The following CLASP1 variants were observed in gnomAD, a reference collection of about 807,000 sequenced individuals.
CLASP1 encodes the protein cytoplasmic linker associated protein 1.
CLASP1 carries 38 observed loss-of-function variants against 192.3 expected under a neutral mutation model. That is an observed-to-expected ratio of 0.20 (90% CI 0.15 to 0.26). The LOEUF (loss-of-function observed/expected upper bound fraction) is 0.26, where lower values mean the gene tolerates loss of function less well. Among genes scored for constraint, CLASP1 ranks in the 10% least tolerant of loss-of-function variants. The pLI, the probability that CLASP1 is intolerant of heterozygous loss-of-function variation, is 1.00. For synonymous variants in CLASP1, 691 were observed against 712.8 expected, an observed-to-expected ratio of 0.97 and a Z score of 0.49; for missense variants, 1,433 against 1,932.5, an observed-to-expected ratio of 0.74 and a Z score of 4.85.
At chr2:121,448,900 A>G (rs2084891904) in intron 17 of CLASP1, 53 bp downstream of exon 17, 2 of 1,563,566 alleles carry the variant, frequency 1.3e-6, no homozygotes, top group East Asian at 4.5e-5. Context: ...TCATGTGACA[A>G]ACTTTTAAAT....
intron 2 of CLASP1, among the ~76,000 whole-genome samples, chr2:121,576,421 A>G (rs1481568134): frequency 6.6e-6 from 1 of 152,242 alleles, no homozygotes; most frequent in Non-Finnish European, 1.5e-5. Context: ...TTGTACAAAG[A>G]GGTAGCTTGA....
intron 1 of CLASP1, among the ~76,000 whole-genome samples, chr2:121,634,021 C>T (rs1186213981): frequency 6.6e-6 from 1 of 151,906 alleles, no homozygotes; most frequent in African/African-American, 2.4e-5. Context: ...AAACCAGACC[C>T]CAGAGTACCC....
intron 1 of CLASP1, among the ~76,000 whole-genome samples, chr2:121,630,721 G>A (rs907275233): frequency 2.6e-5 from 4 of 151,792 alleles, no homozygotes; most frequent in Admixed American, 6.6e-5. Context: ...AAAATTAGCC[G>A]GGCATGGTGG....
chr2:121,603,958 T>C (rs2064107490), intron 2 of CLASP1, among the ~76,000 whole-genome samples: 1 of 152,150 alleles, frequency 6.6e-6, no homozygotes, highest in Non-Finnish European at 1.5e-5. Context: ...TGTTAAAGAA[T>C]ACAAAATTAC....
intron 1 of CLASP1, among the ~76,000 whole-genome samples, chr2:121,638,302 TA>T (rs888242326): frequency 4.0e-5 from 6 of 150,544 alleles, no homozygotes; most frequent in Non-Finnish European, 7.4e-5. Context: ...AAATAAAAAT[TA>T]AAAAAAAACA....
rs17006676 is a variant in CLASP1 at position 121,643,990 on chromosome 2, G to C, written c.-286+5382C>G. ...GGTCCCAAAGAGATTCCAGTGACTT[G>C]ATTACTGCAACTACTACTACATGGT... On this transcript the variant is annotated intron_variant, in intron 1 of 39. Coordinates refer to ENST00000263710, the Ensembl canonical transcript of CLASP1. 5.8e-4 allele frequency among the ~76,000 whole-genome samples: 88 copies of C among 152,234 alleles called. 1 individual carries two copies. In the East Asian group the frequency reaches 0.017, roughly 29 times the overall value.
At chr2:121,601,980 G>A (rs1410147479) in intron 2 of CLASP1, among the ~76,000 whole-genome samples, 1 of 152,038 alleles carries the variant, frequency 6.6e-6, no homozygotes, top group Non-Finnish European at 1.5e-5. Context: ...TTCGAAACCA[G>A]CCTGGCCAAT....
chr2:121,398,308 A>C lies in CLASP1; in HGVS notation c.2979+14T>G. ...AGTTCCAGGGTTGAATTGTAATGAC[A>C]AATAATTACTGACCTTGAGGTTTGG... On this transcript the variant is annotated intron_variant, in intron 29 of 39. Coordinates refer to ENST00000263710, the Ensembl canonical transcript of CLASP1. The C allele has an allele frequency of 6.4e-7, 1 of 1,572,972 alleles. No individual in the cohort carries two copies. Among genetic ancestry groups the C allele is most frequent in the Non-Finnish European group, 8.7e-7 (1 of 1,153,400 alleles).
intron 7 of CLASP1, among the ~76,000 whole-genome samples, chr2:121,507,628 G>A (rs1312726908): frequency 6.6e-6 from 1 of 152,054 alleles, no homozygotes; most frequent in East Asian, 1.9e-4. Flanking sequence ...AAGAATAATG[G>A]CTAAAAACTT....
rs558942281 is a variant in CLASP1 at position 121,402,935 on chromosome 2, C to T, written c.2734-1065G>A. On this transcript the variant is annotated intron_variant, in intron 26 of 39. Coordinates refer to ENST00000263710, the Ensembl canonical transcript of CLASP1. ...TCAGCTCACTGTAACCTCCACCTCC[C>T]AGGTTCAAGTGATTGCCTCCCAAGT... 5.5e-4 allele frequency among the ~76,000 whole-genome samples: 84 copies of T among 152,278 alleles called. 1 individual carries two copies. Among genetic ancestry groups the T allele is most frequent in the Admixed American group, 2.2e-3 (33 of 15,290 alleles).
chr2:121,524,467 T>TG (rs2094528024), intron 6 of CLASP1, among the ~76,000 whole-genome samples: 1 of 152,134 alleles, frequency 6.6e-6, no homozygotes, highest in Admixed American at 6.5e-5. Context: ...TCCTTTTTTT[T>TG]TTTTTTAAAG....
intron 2 of CLASP1, among the ~76,000 whole-genome samples, chr2:121,549,853 A>G (rs1231483743): frequency 1.3e-5 from 2 of 152,014 alleles, no homozygotes; most frequent in Non-Finnish European, 2.9e-5. Flanking sequence ...AAAATGCAAA[A>G]AAATTAGCCA....
intron 19 of CLASP1, among the ~76,000 whole-genome samples, chr2:121,442,686 G>A (rs2083555074): frequency 6.6e-6 from 1 of 152,020 alleles, no homozygotes; most frequent in African/African-American, 2.4e-5. Flanking sequence ...CACCACGTTG[G>A]TCAGGCTGGT....
intron 37 of CLASP1, among the ~76,000 whole-genome samples, chr2:121,350,077 G>A (rs977828127): frequency 1.3e-5 from 2 of 152,178 alleles, no homozygotes; most frequent in East Asian, 1.9e-4. Context: ...CAGGCTATAC[G>A]CACATGGATT....
intron 14 of CLASP1, among the ~76,000 whole-genome samples, chr2:121,452,875 T>C (rs1394683459): frequency 6.6e-6 from 1 of 152,300 alleles, no homozygotes; most frequent in South Asian, 2.1e-4. Flanking sequence ...ATCCTAATAG[T>C]CCTAGGAACC....
chr2:121,633,209 CTA>C (rs2070139859), intron 1 of CLASP1, among the ~76,000 whole-genome samples: 1 of 151,886 alleles, frequency 6.6e-6, no homozygotes, highest in African/African-American at 2.4e-5. Context: ...ATTTCTCACT[CTA>C]CACAATTTAA....
At chr2:121,347,803 A>G (rs1038475211) in intron 38 of CLASP1, among the ~76,000 whole-genome samples, 1 of 152,170 alleles carries the variant, frequency 6.6e-6, no homozygotes, top group Non-Finnish European at 1.5e-5. Context: ...CTCAACAATT[A>G]AGTGTTTAGT....
chr2:121,581,590 A>G (rs2105576805), intron 2 of CLASP1, among the ~76,000 whole-genome samples: 1 of 152,232 alleles, frequency 6.6e-6, no homozygotes, highest in Admixed American at 6.5e-5. Flanking sequence ...GTTCTTAAGT[A>G]AGAAATAAAT....
chr2:121,586,124 C>G (rs990347183), intron 2 of CLASP1, among the ~76,000 whole-genome samples: 2 of 151,818 alleles, frequency 1.3e-5, no homozygotes, highest in African/African-American at 4.8e-5. Context: ...TTTTGAGGAC[C>G]CTATTCTTTT....
Sources: gnomAD v4.1 joint callset for allele counts (sites outside exome capture counted in the v4.1 genomes callset) on GRCh38, gnomAD v4.1.1 for gene constraint, MANE v1.5 for transcripts, NCBI Gene and HGNC (gene_info 2026-07-23, HGNC 2026-07-21) for gene names.